L3MBTL4: variants seen among roughly 807,000 people sequenced by gnomAD.
The protein encoded by L3MBTL4 is lethal(3)malignant brain tumor-like protein 4.
Under a neutral mutation model 84.5 loss-of-function variants are expected in L3MBTL4, and 70 were observed. That is an observed-to-expected ratio of 0.83 (90% CI 0.68 to 1.01). The LOEUF (loss-of-function observed/expected upper bound fraction) is 1.01. Ranked by LOEUF, L3MBTL4 falls within the 50% of genes least tolerant of loss-of-function variation. The pLI is 0.00. For synonymous variants in L3MBTL4, 274 were observed against 259.8 expected (o/e 1.05, Z -0.52); for missense variants, 715 against 754.8 (o/e 0.95, Z 0.62).
chr18:6,124,421 T>C (rs925853492), intron 14 of L3MBTL4, among the ~76,000 whole-genome samples: 1 of 148,464 alleles, frequency 6.7e-6, no homozygotes, highest in African/African-American at 2.5e-5. Flanking sequence ...AAATTATATA[T>C]ACAGTTATAT....
At position 6,073,660 on chromosome 18, in the gene L3MBTL4, G is replaced by C. The variant is rs1484717398; in HGVS notation, c.1444+7221C>G. Reference sequence around the variant, plus strand: ...AGTTCTCACTTAGCATGGTAGTCAGGGGGTATAAAATTGACGATGCAAGCT... The same window carrying C: ...AGTTCTCACTTAGCATGGTAGTCAGCGGGTATAAAATTGACGATGCAAGCT... On this transcript the variant is annotated intron_variant, in intron 16 of 18. Coordinates refer to ENST00000317931, the MANE Select transcript of L3MBTL4 (RefSeq NM_001330559.2). Among the ~76,000 whole-genome samples, 4 of 152,194 alleles carry C rather than the reference G, an allele frequency of 2.6e-5. No homozygotes were observed. In the East Asian group the frequency reaches 7.7e-4, roughly 29 times the overall value.
intron 17 of L3MBTL4, among the ~76,000 whole-genome samples, chr18:5,969,119 C>G (rs747267165): frequency 6.6e-6 from 1 of 152,104 alleles, no homozygotes; most frequent in African/African-American, 2.4e-5. Flanking sequence ...TTGAATTAGC[C>G]CCAGCTGATA....
intron 1 of L3MBTL4, among the ~76,000 whole-genome samples, chr18:6,312,559 G>A (rs772775740): frequency 5.9e-5 from 9 of 151,958 alleles, no homozygotes; most frequent in Non-Finnish European, 1.3e-4. Flanking sequence ...CAAGGGGCAA[G>A]TGGAGGCTGA....
At chr18:6,314,949 T>G (rs2051020358) in intron 1 of L3MBTL4, among the ~76,000 whole-genome samples, 1 of 152,242 alleles carries the variant, frequency 6.6e-6, no homozygotes, top group African/African-American at 2.4e-5. Context: ...TACGTCTGTC[T>G]TCTGCCACTC....
intron 16 of L3MBTL4, chr18:6,030,138 C>T (rs781387610): frequency 2.5e-6 from 2 of 799,606 alleles, no homozygotes; most frequent in Non-Finnish European, 3.0e-6. Flanking sequence ...TGTAAATACA[C>T]ATACACACAT....
rs762193666 is a variant in L3MBTL4 at position 6,093,284 on chromosome 18, A to G, written c.1373+71T>C. 331 of 1,179,178 alleles carry G rather than the reference A, an allele frequency of 2.8e-4. 1 individual carries two copies. Among genetic ancestry groups the G allele is most frequent in the Non-Finnish European group, 3.6e-4 (312 of 863,578 alleles). 73.0% of individuals were successfully genotyped at this position (1,179,178 alleles called of 1,614,324 possible). On this transcript the variant is annotated intron_variant, in intron 15 of 18. Transcript: ENST00000317931. ...GAAGAAAGAAATAGAAACTATTACTATTAACAAAATTGTTCTTTTACTATT... is the reference window on the plus strand; with the variant it reads ...GAAGAAAGAAATAGAAACTATTACTGTTAACAAAATTGTTCTTTTACTATT...
At chr18:6,289,586 G>C (rs1365953937) in intron 4 of L3MBTL4, among the ~76,000 whole-genome samples, 3 of 152,146 alleles carry the variant, frequency 2.0e-5, no homozygotes, top group African/African-American at 7.2e-5. Context: ...CTGTCTCAGA[G>C]GTTAATCTTT....
At chr18:6,148,455 G>C (rs2042746218) in intron 13 of L3MBTL4, among the ~76,000 whole-genome samples, 1 of 151,946 alleles carries the variant, frequency 6.6e-6, no homozygotes, top group Non-Finnish European at 1.5e-5. Context: ...GAGACTTGTT[G>C]GCTGGTATCA....
chr18:6,359,529 C>A (rs1385601921), intron 1 of L3MBTL4, among the ~76,000 whole-genome samples: 1 of 151,092 alleles, frequency 6.6e-6, no homozygotes, highest in Non-Finnish European at 1.5e-5. Context: ...TCTCTAAACA[C>A]TTTTTTTTTC....
intron 1 of L3MBTL4, among the ~76,000 whole-genome samples, chr18:6,387,469 C>T (rs1323874869): frequency 6.6e-6 from 1 of 152,076 alleles, no homozygotes; most frequent in Non-Finnish European, 1.5e-5. Context: ...GCCTAAATAT[C>T]TACACAAAAG....
chr18:6,371,639 T>C (rs1174225223), intron 1 of L3MBTL4, among the ~76,000 whole-genome samples: 1 of 152,206 alleles, frequency 6.6e-6, no homozygotes, highest in African/African-American at 2.4e-5. Flanking sequence ...TACTGAATTG[T>C]TAAGGCAGGG....
chr18:6,222,949 TTATAATATAATATAA>T (rs11281784), intron 10 of L3MBTL4, among the ~76,000 whole-genome samples: 8 of 145,640 alleles, frequency 5.5e-5, no homozygotes, highest in Non-Finnish European at 7.5e-5. Flanking sequence ...AATTTTTCTA[TTATAATATAATATAA>T]TATAATATAA....
At chr18:5,974,832 C>T (rs976822877) in intron 16 of L3MBTL4, among the ~76,000 whole-genome samples, 6 of 152,018 alleles carry the variant, frequency 3.9e-5, no homozygotes, top group African/African-American at 1.5e-4. Flanking sequence ...GGCATGGTGA[C>T]ATGCACCTGT....
At chr18:6,184,645 C>T (rs537111691) in intron 12 of L3MBTL4, among the ~76,000 whole-genome samples, 78 of 152,288 alleles carry the variant, frequency 5.1e-4, no homozygotes, top group Non-Finnish European at 1.0e-3. Flanking sequence ...ACATGTTCCT[C>T]TTGGCTATAA....
At chr18:6,008,863 G>A (rs753455927) in intron 16 of L3MBTL4, among the ~76,000 whole-genome samples, 6 of 152,182 alleles carry the variant, frequency 3.9e-5, no homozygotes, top group Non-Finnish European at 5.9e-5. Flanking sequence ...TCTGTGTGTT[G>A]TCTGACGGAT....
At chr18:6,335,186 G>T (rs905236957) in intron 1 of L3MBTL4, among the ~76,000 whole-genome samples, 1 of 152,168 alleles carries the variant, frequency 6.6e-6, no homozygotes, top group African/African-American at 2.4e-5. Flanking sequence ...CGTCTCCTGG[G>T]TTCAAGCAAT....
chr18:6,400,322 T>C (rs1308628067), intron 1 of L3MBTL4, among the ~76,000 whole-genome samples: 1 of 152,230 alleles, frequency 6.6e-6, no homozygotes, highest in Non-Finnish European at 1.5e-5. Context: ...TTCACACTTA[T>C]CCTGTAGATA....
rs1461941448 is a variant in L3MBTL4 at position 6,301,927 on chromosome 18, C to T, written c.103G>A (p.Asp35Asn). 3 of 1,613,342 alleles carry T rather than the reference C, an allele frequency of 1.9e-6. No individual in the cohort carries two copies. Among genetic ancestry groups the T allele is most frequent in the Admixed American group, 1.7e-5 (1 of 59,992 alleles). Residue 35 changes from aspartate to asparagine, a missense_variant, in exon 4 of 19, where the codon GAT becomes AAT. Coordinates refer to ENST00000317931, the MANE Select transcript of L3MBTL4 (RefSeq NM_001330559.2). ...CCGTGACTCAAAGGGGTTGTGCTAT[C>T]CTTGGGCTTCTTTTCCTCTTCAGCT... ...EQAEEEKKPK[D>N]STTPLSHVPS... is the part of the protein sequence containing the mutation.
At position 6,199,106 on chromosome 18, in the gene L3MBTL4, A is replaced by G. The variant is rs73383976; in HGVS notation, c.981+14043T>C. On this transcript the variant is annotated intron_variant, in intron 12 of 18. Coordinates refer to ENST00000317931, the MANE Select transcript of L3MBTL4 (RefSeq NM_001330559.2). ...TAGTGATGTTAAAGAGACAGCAAAT[A>G]GTTGACCTAAAGAGACAAGTTGACA... Among the ~76,000 whole-genome samples, 150 of 152,376 alleles carry G rather than the reference A, an allele frequency of 9.8e-4. 1 individual carries two copies. Among genetic ancestry groups the G allele is most frequent in the African/African-American group, 3.6e-3 (148 of 41,578 alleles).
Sources: gnomAD v4.1 joint callset for allele counts (sites outside exome capture counted in the v4.1 genomes callset) on GRCh38, gnomAD v4.1.1 for gene constraint, MANE v1.5 for transcripts, NCBI Gene and HGNC (gene_info 2026-07-23, HGNC 2026-07-21) for gene names.